Variants in MIR2052HG observed in about 807,000 individuals in gnomAD.
MIR2052HG encodes the protein MIR2052 host gene.
chr8:74,616,008 A>G (rs1372713657), intron 2 of MIR2052HG, among the ~76,000 whole-genome samples: 3 of 152,066 alleles, frequency 2.0e-5, no homozygotes, highest in Non-Finnish European at 4.4e-5. Flanking sequence ...AATCCAGTCT[A>G]TCATTGATGG....
In MIR2052HG at chr8:74,732,327, G is replaced by C. The variant is rs558080043; in HGVS notation, n.372-20114G>C. 2.0e-5 allele frequency among the ~76,000 whole-genome samples: 3 copies of C among 152,198 alleles called. No homozygotes were observed. The East Asian group carries it at 5.8e-4, about 29-fold the overall frequency. ...TATAGAAAGAATTTGAACATCCATG[G>C]ATTTTGCTCTTTATGGGGGGTCCTG... On this transcript the variant is annotated intron_variant and non_coding_transcript_variant, in intron 4 of 6. Transcript: ENST00000523442.
At chr8:74,609,509 C>A (rs948870679) in intron 1 of MIR2052HG, among the ~76,000 whole-genome samples, 4 of 151,600 alleles carry the variant, frequency 2.6e-5, no homozygotes, top group Non-Finnish European at 5.9e-5. Context: ...AAATTGCATG[C>A]CAATATTCCT....
chr8:74,652,818 T>C (rs1022102019), intron 2 of MIR2052HG, among the ~76,000 whole-genome samples: 11 of 152,114 alleles, frequency 7.2e-5, no homozygotes, highest in Non-Finnish European at 2.9e-5. Flanking sequence ...CAAGTATGCT[T>C]TGATGATGGA....
intron 2 of MIR2052HG, among the ~76,000 whole-genome samples, chr8:74,626,116 T>A (rs971788460): frequency 4.6e-5 from 7 of 152,190 alleles, no homozygotes; most frequent in Non-Finnish European, 7.3e-5. Context: ...ACAACAGCTG[T>A]TGAAGTGGGT....
intron 2 of MIR2052HG, among the ~76,000 whole-genome samples, chr8:74,621,922 TG>T (rs1808366987): frequency 6.6e-6 from 1 of 152,216 alleles, no homozygotes; most frequent in Non-Finnish European, 1.5e-5. Context: ...GAGACTCAAA[TG>T]TAAGGCCTGT....
At chr8:74,660,004 A>G (rs189252495) in intron 2 of MIR2052HG, among the ~76,000 whole-genome samples, 3 of 152,302 alleles carry the variant, frequency 2.0e-5, no homozygotes, top group East Asian at 1.9e-4. Context: ...AGTTTAAGAA[A>G]TGATTATTCT....
chr8:74,714,547 G>A (rs1160429638), intron 4 of MIR2052HG, among the ~76,000 whole-genome samples: 2 of 152,114 alleles, frequency 1.3e-5, no homozygotes. Context: ...TAATGCTAGT[G>A]TGGTTTTGTT....
At chr8:74,669,769 G>C (rs144901904) in intron 2 of MIR2052HG, among the ~76,000 whole-genome samples, 2 of 152,082 alleles carry the variant, frequency 1.3e-5, no homozygotes, top group Non-Finnish European at 2.9e-5. Flanking sequence ...CTCCTCCCTT[G>C]GATCTCAAAT....
At chr8:74,722,871 G>A (rs1336013586) in intron 4 of MIR2052HG, among the ~76,000 whole-genome samples, 1 of 152,216 alleles carries the variant, frequency 6.6e-6, no homozygotes, top group East Asian at 1.9e-4. Flanking sequence ...CGGCTAGTAT[G>A]TAGCAAAGGT....
intron 3 of MIR2052HG, among the ~76,000 whole-genome samples, chr8:74,703,294 A>C (rs1180103631): frequency 6.6e-6 from 1 of 152,072 alleles, no homozygotes; most frequent in Non-Finnish European, 1.5e-5. Context: ...TATAATAAAT[A>C]TAGACTTAAG....
intron 2 of MIR2052HG, among the ~76,000 whole-genome samples, chr8:74,619,550 G>A (rs548865740): frequency 6.6e-6 from 1 of 152,326 alleles, no homozygotes; most frequent in East Asian, 1.9e-4. Context: ...TACAATCATG[G>A]TGGAAGGCAA....
At chr8:74,657,611 C>T (rs537863859) in intron 2 of MIR2052HG, among the ~76,000 whole-genome samples, 8 of 152,312 alleles carry the variant, frequency 5.3e-5, no homozygotes, top group Admixed American at 4.6e-4. Context: ...ACTTACAACT[C>T]CACATGGCTG....
intron 1 of MIR2052HG, among the ~76,000 whole-genome samples, chr8:74,600,095 G>T (rs1294089727): frequency 1.3e-5 from 2 of 152,076 alleles, no homozygotes; most frequent in African/African-American, 4.8e-5. Flanking sequence ...CTGGTGCACG[G>T]TGTGCACAGC....
intron 1 of MIR2052HG, among the ~76,000 whole-genome samples, chr8:74,604,499 T>TG (rs1270027657): frequency 1.3e-4 from 1 of 7,774 alleles, no homozygotes; most frequent in Admixed American, 1.8e-3. Flanking sequence ...CCGGGGCGGG[T>TG]GGGGGTGCCG....
chr8:74,626,492 G>A (rs1808438673), intron 2 of MIR2052HG, among the ~76,000 whole-genome samples: 1 of 152,148 alleles, frequency 6.6e-6, no homozygotes, highest in Non-Finnish European at 1.5e-5. Context: ...GCAAAGTTAT[G>A]CCAGTTTCTT....
chr8:74,659,851 A>C (rs1481759037), intron 2 of MIR2052HG, among the ~76,000 whole-genome samples: 1 of 152,210 alleles, frequency 6.6e-6, no homozygotes, highest in Non-Finnish European at 1.5e-5. Flanking sequence ...AACCAAGCTA[A>C]ATATATTATT....
intron 4 of MIR2052HG, among the ~76,000 whole-genome samples, chr8:74,740,915 T>C (rs567182625): frequency 6.6e-6 from 1 of 152,348 alleles, no homozygotes; most frequent in African/African-American, 2.4e-5. Flanking sequence ...CCAGATTAAA[T>C]ATCTGCATTA....
intron 4 of MIR2052HG, among the ~76,000 whole-genome samples, chr8:74,751,553 C>G (rs1051955848): frequency 6.7e-6 from 1 of 149,108 alleles, no homozygotes; most frequent in African/African-American, 2.6e-5. Context: ...AGGGATCTAA[C>G]TCTGTCTTTC....
chr8:74,647,844 A>C (rs1434588150), intron 2 of MIR2052HG, among the ~76,000 whole-genome samples: 3 of 152,166 alleles, frequency 2.0e-5, no homozygotes, highest in East Asian at 3.9e-4. Context: ...TGAATATTTC[A>C]GGGACATTTA....
Sources: allele counts gnomAD v4.1 joint callset (sites outside exome capture counted in the v4.1 genomes callset), GRCh38; gene constraint gnomAD v4.1.1; transcripts MANE v1.5; gene names NCBI Gene and HGNC (gene_info 2026-07-23, HGNC 2026-07-21).